Variants in SLC43A3 observed in about 807,000 individuals in gnomAD.
SLC43A3 encodes equilibrative nucleobase transporter 1.
SLC43A3 carries 33 observed loss-of-function variants against 53.3 expected under a neutral mutation model. The observed-to-expected ratio is 0.62, with a 90% CI of 0.47 to 0.83. The LOEUF is 0.83. Ranked by LOEUF, SLC43A3 falls within the 40% of genes least tolerant of loss-of-function variation. The pLI, the probability that SLC43A3 is intolerant of heterozygous loss-of-function variation, is 0.00. For missense variants in SLC43A3, 530 were observed against 610.0 expected (o/e 0.87, Z 1.38); for synonymous variants, 236 against 246.2 (o/e 0.96, Z 0.39).
chr11:57,423,729 C>T (rs1943087922), intron 5 of SLC43A3: 2 of 417,732 alleles, frequency 4.8e-6, no homozygotes, highest in East Asian at 7.5e-5. Context: ...TGCACCTGGC[C>T]AGATGTAAAG....
At chr11:57,424,115 A>C in intron 4 of SLC43A3, 87 bp from the exon 5 acceptor site, 3 of 1,344,408 alleles carry the variant, frequency 2.2e-6, no homozygotes, top group Non-Finnish European at 3.2e-6. Flanking sequence ...CCAGCCCACA[A>C]GTGTAGGACT....
Position 57,426,243 on chromosome 11 carries a change from G to A in SLC43A3, c.-71C>T. The A allele has an allele frequency of 6.8e-7, 1 of 1,468,724 alleles. No homozygotes were observed. Among genetic ancestry groups the A allele is most frequent in the Non-Finnish European group, 9.3e-7 (1 of 1,073,510 alleles). 91.0% of individuals were successfully genotyped at this position (1,468,724 alleles called of 1,614,324 possible). On this transcript the variant is annotated 5_prime_UTR_variant, in exon 3 of 14. Transcript: ENST00000395124. ...ACGGATCACAGGCGCCGTAAGCCTG[G>A]CGTTTGAGCACTTGGAAAATTCCTC... is the stretch of plus-strand genomic sequence containing the variant.
chr11:57,409,808 G>T, intron 12 of SLC43A3, 127 bp downstream of exon 12: 1 of 837,700 alleles, frequency 1.2e-6, no homozygotes. Context: ...CTCCACACCT[G>T]CCCCCAAACC....
At position 57,415,115 on chromosome 11, in the gene SLC43A3, G is replaced by A; in HGVS notation, c.770-9C>T. On this transcript the variant is annotated splice_polypyrimidine_tract_variant and intron_variant, in intron 9 of 13. Transcript: ENST00000395124. ...CCCTGCCCCTGGGGTCTCTAATGGG[G>A]AGAGGAGGATCTGGGCGTGAATTAC... The A allele has an allele frequency of 6.9e-6, 11 of 1,602,572 alleles. No individual in the cohort carries two copies. The highest frequency in any genetic ancestry group is 9.4e-6 in the Non-Finnish European group (11 of 1,173,952).
At chr11:57,412,711 G>A (rs1010611555) in intron 11 of SLC43A3, among the ~76,000 whole-genome samples, 2 of 152,014 alleles carry the variant, frequency 1.3e-5, no homozygotes, top group African/African-American at 4.8e-5. Context: ...GGGATGCTGA[G>A]GCAGGAGAAT....
intron 5 of SLC43A3, 25 bp downstream of exon 5, chr11:57,423,957 C>T (rs1470907548): frequency 1.2e-6 from 2 of 1,613,480 alleles, no homozygotes; most frequent in Admixed American, 3.3e-5. Context: ...GCTTGCATCC[C>T]TCCCACCCAC....
At chr11:57,419,708 A>C (rs1409670141) in intron 7 of SLC43A3, among the ~76,000 whole-genome samples, 1 of 151,916 alleles carries the variant, frequency 6.6e-6, no homozygotes, top group Non-Finnish European at 1.5e-5. Flanking sequence ...AGGCAGGAGA[A>C]TTGCTTAAAC....
intron 3 of SLC43A3, 112 bp downstream of exon 3, chr11:57,425,877 C>T: frequency 7.4e-7 from 1 of 1,356,392 alleles, no homozygotes; most frequent in Non-Finnish European, 1.0e-6. Flanking sequence ...AGCTGCTGAC[C>T]CTTCCTCTCA....
chr11:57,420,963 T>C lies in SLC43A3; in HGVS notation c.531+9A>G, dbSNP rs112508737. The C allele has an allele frequency of 6.4e-6, 10 of 1,564,536 alleles. No homozygotes were observed. In the African/African-American group the frequency reaches 6.8e-5, roughly 11 times the overall value. ...GTGCCCAGTGAATGTAGGCTGTTGC[T>C]ATATTTACCTTAATAATAAGGAAGA... is the stretch of plus-strand genomic sequence containing the variant. On this transcript the variant is annotated intron_variant, in intron 7 of 13. Transcript: ENST00000395124.
At chr11:57,425,477 G>T in intron 4 of SLC43A3, 64 bp downstream of exon 4, 1 of 1,562,898 alleles carries the variant, frequency 6.4e-7, no homozygotes, top group South Asian at 1.1e-5. Context: ...TTCACTCCAA[G>T]CTAGGCTGCT....
chr11:57,425,899 G>A, intron 3 of SLC43A3, 90 bp downstream of exon 3: 2 of 1,394,150 alleles, frequency 1.4e-6, no homozygotes, highest in Non-Finnish European at 2.0e-6. Flanking sequence ...CATAGAAAGA[G>A]GGGTGGGCAG....
rs544054614 is a variant in SLC43A3, at chr11:57,426,157, G to A, written c.16C>T (p.Leu6=). The change falls in exon 3 of 14, where the codon CTG becomes TTG. Residue 6 remains leucine, a synonymous_variant. Coordinates refer to ENST00000395124, the MANE Select transcript of SLC43A3 (RefSeq NM_199329.3). ...AGCAGTGTGGCCACGTGCAGGGGCAGGCCCTGGCCCGCCATGAGCAGAAGT... is the reference window on the plus strand; with the variant it reads ...AGCAGTGTGGCCACGTGCAGGGGCAAGCCCTGGCCCGCCATGAGCAGAAGT... MAGQG[L]PLHVATLLTG... The A allele has an allele frequency of 1.2e-6, 2 of 1,613,906 alleles. No individual in the cohort carries two copies. Among genetic ancestry groups the A allele is most frequent in the African/African-American group, 2.7e-5 (2 of 75,074 alleles).
chr11:57,423,402 G>T (rs1031673609), intron 5 of SLC43A3, among the ~76,000 whole-genome samples: 3 of 152,066 alleles, frequency 2.0e-5, no homozygotes, highest in Non-Finnish European at 4.4e-5. Flanking sequence ...AGGATGTAAA[G>T]GTTTTTTGTT....
At chr11:57,412,865 G>A (rs1201146593) in intron 11 of SLC43A3, among the ~76,000 whole-genome samples, 3 of 151,564 alleles carry the variant, frequency 2.0e-5, no homozygotes, top group African/African-American at 4.8e-5. Context: ...TGAAATAATG[G>A]GCCTAGGCAT....
In SLC43A3 at chr11:57,417,873, T is replaced by C; in HGVS notation, c.546A>G (p.Lys182=). The C allele has an allele frequency of 6.2e-7, 1 of 1,613,810 alleles. No individual in the cohort carries two copies. The highest frequency in any genetic ancestry group is 1.1e-5 in the South Asian group (1 of 91,060). The part of the protein sequence containing the change: ...VFLIIKLLYE[K]GISLRASFIF... Reference sequence around the variant, plus strand: ...TGAAGGAGGCCCTGAGGCTGATGCCTTTTTCATAAAGAAGCTGCAGAAGGA... The same window carrying C: ...TGAAGGAGGCCCTGAGGCTGATGCCCTTTTCATAAAGAAGCTGCAGAAGGA... Residue 182 remains lysine (K), a synonymous_variant, in exon 8 of 14, where the codon AAA becomes AAG. Coordinates refer to ENST00000395124, the MANE Select transcript of SLC43A3 (RefSeq NM_199329.3).
chr11:57,421,283 G>C lies in SLC43A3; in HGVS notation c.438+14C>G, dbSNP rs372026287. The C allele has an allele frequency of 1.9e-6, 3 of 1,606,942 alleles. No homozygotes were observed. Among genetic ancestry groups the C allele is most frequent in the Non-Finnish European group, 2.6e-6 (3 of 1,173,856 alleles). ...CCACCCTGCCGAGTGCCTGGGATTAGGGAAGGCTCCCACCTGCAGGTTGGT... is the reference window on the plus strand; with the variant it reads ...CCACCCTGCCGAGTGCCTGGGATTACGGAAGGCTCCCACCTGCAGGTTGGT... On this transcript the variant is annotated intron_variant, in intron 6 of 13. Coordinates refer to ENST00000395124, the MANE Select transcript of SLC43A3 (RefSeq NM_199329.3).
chr11:57,410,127 C>T lies in SLC43A3; in HGVS notation c.1061-6G>A, dbSNP rs761033044. 19 of 1,580,670 alleles carry T rather than the reference C, an allele frequency of 1.2e-5. 1 individual carries two copies. The highest frequency in any genetic ancestry group is 4.5e-5 in the East Asian group (2 of 44,340). On this transcript the variant is annotated splice_region_variant and splice_polypyrimidine_tract_variant and intron_variant, in intron 11 of 13. Transcript: ENST00000395124. ...CACCGCCAAAGTGGAGGAACCTGGGCGAACAGAGAGGAAAAAGAAGCTCTC... is the reference window on the plus strand; with the variant it reads ...CACCGCCAAAGTGGAGGAACCTGGGTGAACAGAGAGGAAAAAGAAGCTCTC...
chr11:57,408,115 A>G (rs1942283335), intron 13 of SLC43A3: 1 of 476,840 alleles, frequency 2.1e-6, no homozygotes, highest in African/African-American at 1.9e-5. Context: ...AGGAATATCA[A>G]GCCCATTTCA....
intron 7 of SLC43A3, 39 bp from the exon 8 acceptor site, chr11:57,417,926 G>A (rs1167479955): frequency 1.6e-5 from 26 of 1,599,120 alleles, no homozygotes; most frequent in Admixed American, 5.1e-5. Context: ...TCACACCCAC[G>A]TTCATAGCAG....
Sources: allele counts gnomAD v4.1 joint callset (sites outside exome capture counted in the v4.1 genomes callset), GRCh38; gene constraint gnomAD v4.1.1; transcripts MANE v1.5; gene names NCBI Gene and HGNC (gene_info 2026-07-23, HGNC 2026-07-21).